The following CPXM2 variants were observed in gnomAD, a reference collection of about 807,000 sequenced individuals.
The protein encoded by CPXM2 is inactive carboxypeptidase-like protein X2.
In CPXM2, 66 loss-of-function variants were observed where a neutral mutation model predicts 86.1. The observed-to-expected ratio is 0.77, with a 90% CI of 0.63 to 0.94. The LOEUF is 0.94. Ranked by LOEUF, CPXM2 falls within the 40% of genes least tolerant of loss-of-function variation. The probability of loss-of-function intolerance (pLI) is 0.00; values close to 1 mark genes in which losing one functional copy is unlikely to be tolerated. For missense variants in CPXM2, 948 were observed against 1,026.3 expected, an observed-to-expected ratio of 0.92 and a Z score of 1.04; for synonymous variants, 388 against 400.2, an observed-to-expected ratio of 0.97 and a Z score of 0.36.
At chr10:123,888,153 C>T (rs376310418) in intron 1 of CPXM2, among the ~76,000 whole-genome samples, 1 of 152,152 alleles carries the variant, frequency 6.6e-6, no homozygotes, top group African/African-American at 2.4e-5. Context: ...ATAAACCCCG[C>T]TACAGGGTTA....
intron 3 of CPXM2, among the ~76,000 whole-genome samples, chr10:123,852,477 C>T (rs568588775): frequency 4.5e-4 from 69 of 152,286 alleles, no homozygotes; most frequent in African/African-American, 1.3e-3. Flanking sequence ...CTGAAGTCAC[C>T]GCCCTTGACA....
intron 4 of CPXM2, among the ~76,000 whole-genome samples, chr10:123,803,119 T>A (rs1216277368): frequency 7.9e-5 from 1 of 12,642 alleles, no homozygotes; most frequent in African/African-American, 1.0e-3. Flanking sequence ...TGTAGTACCC[T>A]TTTTTTTTTT....
At chr10:123,810,516 G>A (rs1238924704) in intron 4 of CPXM2, among the ~76,000 whole-genome samples, 1 of 151,922 alleles carries the variant, frequency 6.6e-6, no homozygotes, top group Non-Finnish European at 1.5e-5. Context: ...TTCTAAAATA[G>A]AATTAATAAG....
intron 10 of CPXM2, among the ~76,000 whole-genome samples, chr10:123,763,180 C>T (rs1464602767): frequency 1.3e-5 from 2 of 152,200 alleles, no homozygotes; most frequent in Non-Finnish European, 2.9e-5. Context: ...GCTGGGACTC[C>T]AGGTGCACAC....
At chr10:123,807,709 A>C (rs1847610250) in intron 4 of CPXM2, among the ~76,000 whole-genome samples, 1 of 152,204 alleles carries the variant, frequency 6.6e-6, no homozygotes, top group African/African-American at 2.4e-5. Context: ...CATAGTCCTG[A>C]TCTAACATAA....
chr10:123,876,532 G>A (rs1944989925), intron 2 of CPXM2, among the ~76,000 whole-genome samples: 1 of 152,198 alleles, frequency 6.6e-6, no homozygotes, highest in Non-Finnish European at 1.5e-5. Flanking sequence ...GGCAGAGGCT[G>A]ACAAACTATA....
chr10:123,893,952 C>T (rs901494308), upstream of CPXM2, among the ~76,000 whole-genome samples: 5 of 152,214 alleles, frequency 3.3e-5, no homozygotes, highest in Admixed American at 6.5e-5. Context: ...GACACCCAGG[C>T]GGCACCCCAG....
intron 4 of CPXM2, 80 bp from the exon 5 acceptor site, chr10:123,799,279 A>C: frequency 6.4e-7 from 1 of 1,556,842 alleles, no homozygotes; most frequent in Non-Finnish European, 8.8e-7. Flanking sequence ...AAGTGAGGAG[A>C]GCAGGTGCCA....
chr10:123,921,588 G>A (rs1035585672), intron 2 of CPXM2, among the ~76,000 whole-genome samples: 3 of 152,206 alleles, frequency 2.0e-5, no homozygotes, highest in Non-Finnish European at 2.9e-5. Context: ...CAAGCTATGA[G>A]AGGCAAGGAA....
upstream of CPXM2, among the ~76,000 whole-genome samples, chr10:123,894,958 C>G (rs1455586793): frequency 2.0e-5 from 3 of 152,116 alleles, no homozygotes; most frequent in African/African-American, 7.2e-5. Context: ...CACCCGTTAA[C>G]AACCTTGCTC....
At chr10:123,939,855 T>G (rs1308411550) in intron 1 of CPXM2, among the ~76,000 whole-genome samples, 1 of 152,132 alleles carries the variant, frequency 6.6e-6, no homozygotes, top group Non-Finnish European at 1.5e-5. Flanking sequence ...CAGGCCCAAG[T>G]GCAGGAACCC....
chr10:123,932,719 C>A (rs146837291), intron 2 of CPXM2, among the ~76,000 whole-genome samples: 1 of 152,198 alleles, frequency 6.6e-6, no homozygotes, highest in Non-Finnish European at 1.5e-5. Context: ...GAGCCTACTG[C>A]GGAAGGAGGG....
intron 4 of CPXM2, among the ~76,000 whole-genome samples, chr10:123,832,885 G>A (rs763204669): frequency 1.7e-4 from 25 of 151,374 alleles, no homozygotes; most frequent in Admixed American, 3.3e-4. Flanking sequence ...ATGGATTAGC[G>A]CTCTTACAAA....
Position 123,838,270 on chromosome 10 carries a change from G to A in CPXM2, c.653+4079C>T, listed in dbSNP as rs767793463. ...TGAGGTTAGGAGTTCAAGACCACCTGGCCAACATGGTGAAACCCTGTGTCG... is the reference window on the plus strand; with the variant it reads ...TGAGGTTAGGAGTTCAAGACCACCTAGCCAACATGGTGAAACCCTGTGTCG... On this transcript the variant is annotated intron_variant, in intron 4 of 13. Coordinates refer to ENST00000241305, the MANE Select transcript of CPXM2 (RefSeq NM_198148.3). Among the ~76,000 whole-genome samples the A allele has an allele frequency of 2.0e-5, 3 of 152,186 alleles. No individual in the cohort carries two copies. In the South Asian group the frequency reaches 6.2e-4, roughly 32 times the overall value.
At chr10:123,783,941 C>T (rs1294177124) in intron 6 of CPXM2, among the ~76,000 whole-genome samples, 1 of 152,178 alleles carries the variant, frequency 6.6e-6, no homozygotes, top group Non-Finnish European at 1.5e-5. Context: ...AATGCTCTTT[C>T]CAACCTTACT....
At chr10:123,830,852 A>ATC (rs150171922) in intron 4 of CPXM2, among the ~76,000 whole-genome samples, 10,229 of 139,656 alleles carry the variant, frequency 0.073, 659 homozygotes, top group African/African-American at 0.17. Flanking sequence ...GTATGCACTC[A>ATC]TCTCTCTCTC....
intron 2 of CPXM2, among the ~76,000 whole-genome samples, chr10:123,927,471 C>T (rs1243239287): frequency 6.6e-6 from 1 of 152,326 alleles, no homozygotes; most frequent in Middle Eastern, 3.4e-3. Context: ...GCCTTTAACT[C>T]ATTTAATCCT....
At chr10:123,867,527 C>CTTTT (rs34482126) in intron 2 of CPXM2, among the ~76,000 whole-genome samples, 3,223 of 92,174 alleles carry the variant, frequency 0.035, 1 homozygote, top group Non-Finnish European at 0.043. Flanking sequence ...AGATTTCTTT[C>CTTTT]TTTTTTTTTT....
intron 2 of CPXM2, among the ~76,000 whole-genome samples, chr10:123,925,340 G>A (rs574458202): frequency 2.0e-5 from 3 of 152,102 alleles, no homozygotes; most frequent in Admixed American, 6.5e-5. Context: ...AAGTAGTGGA[G>A]ATTATTAGAA....
Sources: allele counts gnomAD v4.1 joint callset (sites outside exome capture counted in the v4.1 genomes callset), GRCh38; gene constraint gnomAD v4.1.1; transcripts MANE v1.5; gene names NCBI Gene and HGNC (gene_info 2026-07-23, HGNC 2026-07-21).